Variants in CLK1 observed in about 807,000 individuals in gnomAD.
CLK1 encodes CDC like kinase 1.
Under a neutral mutation model 60.9 loss-of-function variants are expected in CLK1, and 40 were observed. The ratio of observed to expected loss-of-function variants is 0.66; its 90% confidence interval spans 0.51 to 0.86. CLK1 has a LOEUF of 0.86. Ranked by LOEUF, CLK1 falls within the 40% of genes least tolerant of loss-of-function variation. The probability of loss-of-function intolerance (pLI) is 0.00; values close to 1 mark genes in which losing one functional copy is unlikely to be tolerated. For synonymous variants in CLK1, 203 were observed against 184.4 expected (o/e 1.10, Z -0.82); for missense variants, 563 against 606.1 (o/e 0.93, Z 0.75).
chr2:200,862,064 C>T (rs2039147894), intron 1 of CLK1, among the ~76,000 whole-genome samples: 1 of 148,632 alleles, frequency 6.7e-6, no homozygotes, highest in South Asian at 2.1e-4. Context: ...AGGCACTCTG[C>T]ATTAGCCATA....
At chr2:200,860,945 AC>A (rs1374990736) in intron 3 of CLK1, 1 of 1,151,942 alleles carries the variant, frequency 8.7e-7, no homozygotes, top group African/African-American at 1.6e-5. Flanking sequence ...ACCACAAAAA[AC>A]CCTTTTAGAA....
chr2:200,859,655 A>T (rs2039102347), intron 5 of CLK1, 25 bp downstream of exon 5: 1 of 1,603,616 alleles, frequency 6.2e-7, no homozygotes, highest in Non-Finnish European at 8.5e-7. Flanking sequence ...CTTCCCTAAA[A>T]GTAATCCCAA....
intron 3 of CLK1, chr2:200,860,714 A>G (rs771367028): frequency 3.0e-6 from 3 of 999,736 alleles, no homozygotes; most frequent in Non-Finnish European, 2.4e-6. Context: ...GCATACAAGA[A>G]TAACACTACG....
intron 1 of CLK1, among the ~76,000 whole-genome samples, chr2:200,863,557 T>C (rs2039178723): frequency 6.7e-6 from 1 of 150,250 alleles, no homozygotes. Flanking sequence ...AGACCTTGTC[T>C]CAAAAAAGAA....
At chr2:200,864,403 G>A in intron 1 of CLK1, 161 bp downstream of exon 1, 2 of 806,000 alleles carry the variant, frequency 2.5e-6, no homozygotes, top group Non-Finnish European at 1.8e-6. Context: ...GCAGGAAAGA[G>A]GGGCGCGCCG....
intron 11 of CLK1, 58 bp from the exon 12 acceptor site, chr2:200,854,051 C>G (rs1045500410): frequency 2.6e-6 from 3 of 1,138,744 alleles, no homozygotes; most frequent in Non-Finnish European, 3.9e-6. Context: ...AAACAGCTAG[C>G]AAAGGTATCA....
At chr2:200,857,406 C>T (rs1271743350) in intron 7 of CLK1, 1 of 270,428 alleles carries the variant, frequency 3.7e-6, no homozygotes, top group Admixed American at 4.8e-5. Context: ...AACTTACTAC[C>T]TCTTATGAAG....
At chr2:200,860,325 G>T (rs2039117172) in intron 3 of CLK1, 110 bp from the exon 4 acceptor site, 3 of 1,556,576 alleles carry the variant, frequency 1.9e-6, no homozygotes, top group Admixed American at 1.8e-5. Context: ...CAGGCATTCA[G>T]ATACACGCCA....
rs1575079700 is a variant in CLK1 at position 200,859,904 on chromosome 2, G to A, written c.482-158C>T. Reference sequence around the variant, plus strand: ...CACCATCAAAAAACATAATTATTAGGTCTAATTTCATTAATTTGATTACTG... The same window carrying A: ...CACCATCAAAAAACATAATTATTAGATCTAATTTCATTAATTTGATTACTG... On this transcript the variant is annotated intron_variant, in intron 4 of 12. Coordinates refer to ENST00000321356, the MANE Select transcript of CLK1 (RefSeq NM_004071.4). The A allele has an allele frequency of 2.8e-6, 4 of 1,431,556 alleles. No homozygotes were observed. The East Asian group carries it at 1.0e-4, about 36-fold the overall frequency. The allele number at this position is 1,431,556 out of a possible 1,614,324, so 88.7% of individuals were successfully genotyped here.
At chr2:200,859,840 G>A in intron 4 of CLK1, 94 bp from the exon 5 acceptor site, 1 of 1,540,454 alleles carries the variant, frequency 6.5e-7, no homozygotes, top group Non-Finnish European at 8.8e-7. Flanking sequence ...TCTAGTTGAT[G>A]CTACAAATTT....
intron 5 of CLK1, among the ~76,000 whole-genome samples, chr2:200,858,730 A>G (rs2039083916): frequency 6.6e-6 from 1 of 151,840 alleles, no homozygotes; most frequent in Non-Finnish European, 1.5e-5. Flanking sequence ...AAAGAGCTCT[A>G]GCTCTCATGT....
intron 1 of CLK1, chr2:200,864,165 C>G (rs1486402430): frequency 5.8e-6 from 9 of 1,551,274 alleles, no homozygotes; most frequent in Non-Finnish European, 7.8e-6. Flanking sequence ...CAAATCCCCC[C>G]TCAACGGGGA....
intron 9 of CLK1, 78 bp downstream of exon 9, chr2:200,856,604 T>G (rs1456577283): frequency 8.2e-7 from 1 of 1,220,810 alleles, no homozygotes; most frequent in Non-Finnish European, 1.1e-6. Flanking sequence ...GCCCCACAAG[T>G]AAGACCTAAA....
chr2:200,857,747 A>G lies in CLK1; in HGVS notation c.803T>C (p.Met268Thr). Residue 268 changes from methionine (M) to threonine (T), a missense_variant, in exon 7 of 13, where the codon ATG becomes ACG. Transcript: ENST00000321356. ...LPFRLDHIRKMAYQICKSVNF... is the reference protein window; with the variant it reads ...LPFRLDHIRKTAYQICKSVNF... The stretch of plus-strand genomic sequence containing the variant: ...CACAGACTTGCATATCTGATATGCC[A>G]TCTTTCTGATATGATCCAGTCGAAA... The G allele has an allele frequency of 6.2e-7, 1 of 1,604,424 alleles. No individual in the cohort carries two copies. Among genetic ancestry groups the G allele is most frequent in the Non-Finnish European group, 8.5e-7 (1 of 1,175,648 alleles).
chr2:200,854,776 A>G (rs965800046), intron 10 of CLK1, 81 bp from the exon 11 acceptor site: 1 of 1,053,752 alleles, frequency 9.5e-7, no homozygotes, highest in Non-Finnish European at 1.5e-6. Context: ...AAAAACTAAC[A>G]TTAAGGCTTG....
intron 1 of CLK1, 37 bp from the exon 2 acceptor site, chr2:200,861,899 C>A: frequency 6.3e-7 from 1 of 1,591,586 alleles, no homozygotes; most frequent in Non-Finnish European, 8.6e-7. Context: ...TTAAATTGTA[C>A]CCCACACTGA....
intron 10 of CLK1, 55 bp downstream of exon 10, chr2:200,854,949 T>C: frequency 7.3e-7 from 1 of 1,362,558 alleles, no homozygotes; most frequent in Non-Finnish European, 1.0e-6. Context: ...TTTATTCATA[T>C]AAACAGGCAC....
At chr2:200,859,603 C>A in intron 5 of CLK1, 77 bp downstream of exon 5, 3 of 1,192,748 alleles carry the variant, frequency 2.5e-6, no homozygotes, top group Non-Finnish European at 3.7e-6. Flanking sequence ...AACTCATGGT[C>A]AGACCACTTT....
At chr2:200,855,637 TTATA>T (rs2039027859) in intron 9 of CLK1, among the ~76,000 whole-genome samples, 1 of 137,970 alleles carries the variant, frequency 7.2e-6, no homozygotes, top group Non-Finnish European at 1.6e-5. Flanking sequence ...CCCCAAAAAA[TTATA>T]TATATACACA....
Sources: allele counts gnomAD v4.1 joint callset (sites outside exome capture counted in the v4.1 genomes callset), GRCh38; gene constraint gnomAD v4.1.1; transcripts MANE v1.5; gene names NCBI Gene and HGNC (gene_info 2026-07-23, HGNC 2026-07-21).